Variants in OCRL observed in about 807,000 individuals in gnomAD.
OCRL encodes OCRL inositol polyphosphate-5-phosphatase.
OCRL carries 8 observed loss-of-function variants against 78.9 expected under a neutral mutation model. The ratio of observed to expected loss-of-function variants is 0.10; its 90% CI spans 0.06 to 0.18. The LOEUF is 0.18. Ranked by LOEUF, OCRL falls within the 10% of genes least tolerant of loss-of-function variation. OCRL has a pLI of 1.00. For synonymous variants in OCRL, 240 were observed against 235.4 expected, an observed-to-expected ratio of 1.02 and a Z score of -0.18; for missense variants, 454 against 696.7, an observed-to-expected ratio of 0.65 and a Z score of 3.92.
chrX:129,570,999 T>C (rs1166352068), intron 15 of OCRL, among the ~76,000 whole-genome samples: 3 of 112,387 alleles, frequency 2.7e-5, no homozygotes, highest in African/African-American at 9.7e-5. Context: ...GATGAGCAGA[T>C]GGAGAACAGC....
At position 129,562,437 on chromosome X, in the gene OCRL, T is replaced by G; in HGVS notation, c.993T>G (p.Asp331Glu). 1 of 1,210,895 alleles carries G rather than the reference T, an allele frequency of 8.3e-7. No individual in the cohort carries two copies. Among genetic ancestry groups the G allele is most frequent in the Non-Finnish European group, 1.1e-6 (1 of 894,806 alleles). Residue 331 changes from aspartate (D) to glutamate (E), a missense_variant, in exon 11 of 24, where the codon GAT becomes GAG. By Grantham distance (45) the Asp-to-Glu change is conservative. Transcript: ENST00000371113. Reference protein sequence around the residue: ...GMMLLIFARKDQCRYIRDIAT... With the variant: ...GMMLLIFARKEQCRYIRDIAT... Reference sequence around the variant, plus strand: ...TGCTTCTTATATTTGCCAGAAAGGATCAGTGTCGATACATTCGTGATATTG... The same window carrying G: ...TGCTTCTTATATTTGCCAGAAAGGAGCAGTGTCGATACATTCGTGATATTG...
chrX:129,544,003 AC>A (rs1476181856), intron 2 of OCRL, among the ~76,000 whole-genome samples: 1 of 111,119 alleles, frequency 9.0e-6, no homozygotes, highest in Non-Finnish European at 1.9e-5. Flanking sequence ...AGAGGGGCAA[AC>A]AAAGGCGATA....
rs1936312993 is a variant in OCRL, at chrX:129,572,329, C to CT, written c.1603-2804dup. Among the ~76,000 whole-genome samples, 3 of 111,896 alleles carry CT rather than the reference C, an allele frequency of 2.7e-5. No homozygotes were observed. In the South Asian group the frequency reaches 1.1e-3, roughly 41 times the overall value. Reference sequence around the variant, plus strand: ...TTACATAAAGACCTAGCTCATTGTACTTTTTTTCAAATTCCTAATTTTGTC... The same window carrying CT: ...TTACATAAAGACCTAGCTCATTGTACTTTTTTTTCAAATTCCTAATTTTGTC... On this transcript the variant is annotated intron_variant, in intron 15 of 23. Coordinates refer to ENST00000371113, the MANE Select transcript of OCRL (RefSeq NM_000276.4).
chrX:129,562,759 T>A lies in OCRL; in HGVS notation c.1217T>A (p.Leu406His), dbSNP rs1936162367. 8.3e-7 allele frequency: 1 copy of A among 1,209,485 alleles called. No individual in the cohort carries two copies. The highest frequency in any genetic ancestry group is 1.1e-6 in the Non-Finnish European group (1 of 894,930). Residue 406 changes from leucine (L) to histidine (H), a missense_variant, in exon 12 of 24, where the codon CTC (leucine) becomes CAC (histidine). Around this residue, in one of 2 missense-constraint regions of OCRL, gnomAD observed 277 missense variants for 517.1 expected, o/e 0.54. Transcript: ENST00000371113. ...AGTTTTGTGGTCCCAAATCAGACCCTCCCGCAGTTGAACATCATGAAACAT... is the reference window on the plus strand; with the variant it reads ...AGTTTTGTGGTCCCAAATCAGACCCACCCGCAGTTGAACATCATGAAACAT... ...RMSFVVPNQT[L>H]PQLNIMKHEV...
At chrX:129,564,574 A>G (rs1039454841) in intron 12 of OCRL, among the ~76,000 whole-genome samples, 8 of 111,217 alleles carry the variant, frequency 7.2e-5, no homozygotes, top group African/African-American at 2.6e-4. Flanking sequence ...CTTTGTAGGG[A>G]CATGGATGAA....
At chrX:129,564,610 CTA>C (rs1936190674) in intron 12 of OCRL, among the ~76,000 whole-genome samples, 1 of 110,632 alleles carries the variant, frequency 9.0e-6, no homozygotes, top group Non-Finnish European at 1.9e-5. Flanking sequence ...TCACAGTAAA[CTA>C]TCGCAAGAAC....
At chrX:129,558,201 T>C (rs927853768) in intron 6 of OCRL, among the ~76,000 whole-genome samples, 4 of 111,945 alleles carry the variant, frequency 3.6e-5, no homozygotes, top group Non-Finnish European at 5.6e-5. Context: ...TGGATTTGAA[T>C]CCCAAGTCAA....
rs1936363310 is a variant in OCRL, at chrX:129,576,051, A to G, written c.1868A>G (p.Tyr623Cys). Residue 623 changes from tyrosine to cysteine, a missense_variant, in exon 17 of 24, where the codon TAC becomes TGC. Around this residue, in one of 2 missense-constraint regions of OCRL, gnomAD observed 277 missense variants for 517.1 expected, o/e 0.54. Coordinates refer to ENST00000371113, the MANE Select transcript of OCRL (RefSeq NM_000276.4). ...CTTCGGGCTGAACCTTTTGAGGGCT[A>G]CTTGGAGCCAAGTGAGTTTTCCCTT... is the stretch of plus-strand genomic sequence containing the variant. ...PWLRAEPFEGYLEPNETVDIS... is the reference protein window; with the variant it reads ...PWLRAEPFEGCLEPNETVDIS... 1.7e-6 allele frequency: 2 copies of G among 1,210,036 alleles called. No individual in the cohort carries two copies.
At chrX:129,581,845 CTCTCTCTCTCTCTCTCTCTCTG>C (rs1936445576) in intron 18 of OCRL, among the ~76,000 whole-genome samples, 1 of 96,754 alleles carries the variant, frequency 1.0e-5, no homozygotes, top group African/African-American at 4.0e-5. Context: ...CTCTCTCTCT[CTCTCTCTCTCTCTCTCTCTCTG>C]TCTCTGTCTC....
Position 129,558,731 on chromosome X carries a change from C to G in OCRL, c.538C>G (p.Pro180Ala). 2 of 1,212,110 alleles carry G rather than the reference C, an allele frequency of 1.7e-6. No homozygotes were observed. Among genetic ancestry groups the G allele is most frequent in the Non-Finnish European group, 2.2e-6 (2 of 895,437 alleles). ...TGGGATTCATCGGGAACCCCCACCT[C>G]CACCCTTTTCAGTGAATAAAATGTA... is the stretch of plus-strand genomic sequence containing the variant. The part of the protein sequence containing the change: ...PTGIHREPPP[P>A]PFSVNKMLPR... The change falls in exon 7 of 24, where the codon CCA becomes GCA. Residue 180 changes from proline (P) to alanine (A), a missense_variant. By Grantham distance (27) the Pro-to-Ala change is conservative. Transcript: ENST00000371113.
At chrX:129,556,522 T>A (rs1177412829) in intron 4 of OCRL, among the ~76,000 whole-genome samples, 3 of 112,014 alleles carry the variant, frequency 2.7e-5, no homozygotes, top group Non-Finnish European at 5.6e-5. Context: ...AATAAATCAG[T>A]TACAATAAGA....
chrX:129,559,377 T>G (rs1936113570), intron 8 of OCRL, among the ~76,000 whole-genome samples: 1 of 111,788 alleles, frequency 8.9e-6, no homozygotes, highest in Non-Finnish European at 1.9e-5. Flanking sequence ...ATTTGTGTTT[T>G]TTATAGAGAC....
In OCRL at chrX:129,542,334, A is replaced by G. The variant is rs3131279; in HGVS notation, c.119+1511A>G. Among the ~76,000 whole-genome samples the G allele has an allele frequency of 3.4e-3, 369 of 109,104 alleles. 3 individuals carry two copies. Among genetic ancestry groups the G allele is most frequent in the African/African-American group, 0.012 (351 of 29,035 alleles). The allele number at this position is 109,104 out of a possible 115,157, so 94.7% of individuals were successfully genotyped here. The stretch of plus-strand genomic sequence containing the variant: ...TATAACTAACATTAATATATAGGTA[A>G]CACTATATAACAACTATATAACTAA... On this transcript the variant is annotated intron_variant, in intron 2 of 23. Transcript: ENST00000371113.
At position 129,590,253 on chromosome X, in the gene OCRL, G is replaced by T. The variant is rs756642886; in HGVS notation, c.2689G>T (p.Gly897Trp). 8.3e-7 allele frequency: 1 copy of T among 1,209,161 alleles called. No individual in the cohort carries two copies. Among genetic ancestry groups the T allele is most frequent in the Non-Finnish European group, 1.1e-6 (1 of 895,040 alleles). Residue 897 changes from glycine (G) to tryptophan (W), a missense_variant, in exon 24 of 24, where the codon GGG becomes TGG. Coordinates refer to ENST00000371113, the MANE Select transcript of OCRL (RefSeq NM_000276.4). ...AIQFLLGFLL[G>W]SEED ...TCAGTTCCTTCTGGGCTTTCTGCTT[G>T]GGAGCGAAGAAGACTAAGGCTTTTA...
At chrX:129,569,840 C>CTT (rs139960777) in intron 15 of OCRL, among the ~76,000 whole-genome samples, 239 of 83,762 alleles carry the variant, frequency 2.9e-3, no homozygotes, top group Non-Finnish European at 4.0e-3. Flanking sequence ...CTTATTTTTT[C>CTT]TTTTTTTTTT....
intron 9 of OCRL, 104 bp downstream of exon 9, chrX:129,560,755 C>G: frequency 3.8e-6 from 2 of 531,003 alleles, no homozygotes; most frequent in Non-Finnish European, 6.5e-6. Flanking sequence ...CTACTGTAGA[C>G]TATACACGAG....
rs1936570919 is a variant in OCRL, at chrX:129,590,286, C to T, written c.*16C>T. The T allele has an allele frequency of 8.3e-7, 1 of 1,208,204 alleles. No homozygotes were observed. The highest frequency in any genetic ancestry group is 1.8e-5 in the South Asian group (1 of 56,730). ...AGAAGACTAAGGCTTTTACTGTTCT[C>T]TGATATTCTAGAAGCAGACGATCTC... On this transcript the variant is annotated 3_prime_UTR_variant, in exon 24 of 24. Transcript: ENST00000371113.
chrX:129,575,293 G>T (rs750085059), intron 16 of OCRL, 43 bp downstream of exon 16: 95 of 900,054 alleles, frequency 1.1e-4, no homozygotes, highest in Non-Finnish European at 1.5e-4. Context: ...GCTCACTGTG[G>T]TTAGCACAGA....
intron 18 of OCRL, among the ~76,000 whole-genome samples, chrX:129,579,476 TACTGTTTTAGAAAGATCCTTATGC>T (rs1313324274): frequency 8.9e-6 from 1 of 111,957 alleles, no homozygotes; most frequent in Non-Finnish European, 1.9e-5. Context: ...TCTCTCTATG[TACTGTTTTAGAAAGATCCTTATGC>T]ACTGTTTTAG....
Sources: gnomAD v4.1 joint callset for allele counts (sites outside exome capture counted in the v4.1 genomes callset) on GRCh38, gnomAD v4.1.1 for gene constraint, gnomAD v4.1.1 regional missense constraint, MANE v1.5 for transcripts, NCBI Gene and HGNC (gene_info 2026-07-23, HGNC 2026-07-21) for gene names.